Variants in L3MBTL4 observed in about 807,000 individuals in gnomAD.
L3MBTL4 encodes L3MBTL histone methyl-lysine binding protein 4.
A neutral mutation model predicts 84.5 loss-of-function variants in L3MBTL4; 70 were observed. The ratio of observed to expected loss-of-function variants is 0.83; its 90% confidence interval spans 0.68 to 1.01. The LOEUF (loss-of-function observed/expected upper bound fraction) is 1.01, where lower values mean the gene tolerates loss of function less well. Among genes scored for constraint, L3MBTL4 ranks in the 50% least tolerant of loss-of-function variants. L3MBTL4 has a pLI of 0.00. For missense variants in L3MBTL4, 715 were observed against 754.8 expected (o/e 0.95, Z 0.62); for synonymous variants, 274 against 259.8 (o/e 1.05, Z -0.52).
chr18:6,043,638 C>T (rs577347009), intron 16 of L3MBTL4, among the ~76,000 whole-genome samples: 5 of 152,288 alleles, frequency 3.3e-5, no homozygotes, highest in South Asian at 2.1e-4. Flanking sequence ...TACGGTCAAT[C>T]GATTAATCTA....
At chr18:6,211,360 A>G (rs185432939) in intron 12 of L3MBTL4, among the ~76,000 whole-genome samples, 1 of 152,302 alleles carries the variant, frequency 6.6e-6, no homozygotes, top group Non-Finnish European at 1.5e-5. Context: ...AGCATCTATT[A>G]TGTGCTGGGA....
chr18:6,261,838 T>A (rs2048415686), intron 5 of L3MBTL4, among the ~76,000 whole-genome samples: 1 of 152,144 alleles, frequency 6.6e-6, no homozygotes, highest in African/African-American at 2.4e-5. Context: ...CGGGCTGAGA[T>A]GTGGGGCAAC....
intron 12 of L3MBTL4, among the ~76,000 whole-genome samples, chr18:6,207,552 C>T (rs775037907): frequency 1.4e-4 from 22 of 152,154 alleles, no homozygotes; most frequent in Non-Finnish European, 2.2e-4. Flanking sequence ...GGCACGTTCA[C>T]CTGGTTGAGC....
chr18:6,174,020 G>C (rs981197810), intron 12 of L3MBTL4, among the ~76,000 whole-genome samples: 3 of 151,964 alleles, frequency 2.0e-5, no homozygotes, highest in African/African-American at 7.3e-5. Context: ...TTCACATTTT[G>C]GGGAAAGAAA....
intron 16 of L3MBTL4, among the ~76,000 whole-genome samples, chr18:6,056,351 G>A (rs962207169): frequency 6.6e-6 from 1 of 152,122 alleles, no homozygotes; most frequent in Non-Finnish European, 1.5e-5. Context: ...CAAGAACTCA[G>A]CAGTAGTCAG....
intron 9 of L3MBTL4, 67 bp from the exon 10 acceptor site, chr18:6,238,107 C>A (rs1431766761): frequency 3.5e-5 from 48 of 1,377,866 alleles, no homozygotes; most frequent in Non-Finnish European, 4.4e-5. Context: ...TCAAGAGTAA[C>A]AATCATTCTG....
chr18:6,360,375 C>T (rs2053632443), intron 1 of L3MBTL4, among the ~76,000 whole-genome samples: 1 of 152,078 alleles, frequency 6.6e-6, no homozygotes. Context: ...TGTCTCAAAA[C>T]AAAAATTTTA....
At chr18:6,031,407 G>A (rs1021949439) in intron 16 of L3MBTL4, 87 of 985,302 alleles carry the variant, frequency 8.8e-5, no homozygotes, top group Middle Eastern at 1.0e-3. Context: ...CTTTGTGGCC[G>A]TCTAACTTCT....
intron 12 of L3MBTL4, among the ~76,000 whole-genome samples, chr18:6,209,432 C>T (rs1389413228): frequency 1.5e-5 from 2 of 135,042 alleles, no homozygotes; most frequent in African/African-American, 6.7e-5. Context: ...GCCCATAAGG[C>T]CCACTAAACT....
chr18:6,111,294 C>A (rs955396259), intron 14 of L3MBTL4, among the ~76,000 whole-genome samples: 1 of 152,090 alleles, frequency 6.6e-6, no homozygotes, highest in African/African-American at 2.4e-5. Context: ...CATTAAAAAC[C>A]ATTGAATGGG....
At chr18:6,052,877 A>G (rs923974376) in intron 16 of L3MBTL4, among the ~76,000 whole-genome samples, 5 of 152,234 alleles carry the variant, frequency 3.3e-5, no homozygotes, top group Non-Finnish European at 5.9e-5. Context: ...AAATCGTGCT[A>G]TACAAATGGA....
chr18:6,175,294 A>C (rs2044178915), intron 12 of L3MBTL4, among the ~76,000 whole-genome samples: 1 of 152,258 alleles, frequency 6.6e-6, no homozygotes. Context: ...AAACGCTAAC[A>C]GGAAACATAA....
intron 1 of L3MBTL4, among the ~76,000 whole-genome samples, chr18:6,319,189 A>T (rs541042457): frequency 6.6e-6 from 1 of 152,228 alleles, no homozygotes; most frequent in South Asian, 2.1e-4. Context: ...AAGTTCACAG[A>T]CTGACAACCT....
chr18:6,125,287 G>A (rs1157088511), intron 14 of L3MBTL4, among the ~76,000 whole-genome samples: 1 of 152,034 alleles, frequency 6.6e-6, no homozygotes, highest in Non-Finnish European at 1.5e-5. Flanking sequence ...AAGGCATAAA[G>A]CAAATTGGCA....
intron 1 of L3MBTL4, among the ~76,000 whole-genome samples, chr18:6,322,939 A>G (rs1044623753): frequency 6.6e-6 from 1 of 152,120 alleles, no homozygotes; most frequent in Non-Finnish European, 1.5e-5. Context: ...AGGTGATTGG[A>G]TCATGAGGGC....
chr18:6,309,591 T>G (rs2050738295), intron 3 of L3MBTL4, among the ~76,000 whole-genome samples: 1 of 152,210 alleles, frequency 6.6e-6, no homozygotes, highest in African/African-American at 2.4e-5. Context: ...ATCTAAGTGT[T>G]AAGCACTTCT....
At position 6,122,620 on chromosome 18, in the gene L3MBTL4, A is replaced by C. The variant is rs112092250; in HGVS notation, c.1199+15574T>G. Among the ~76,000 whole-genome samples the C allele has an allele frequency of 3.7e-3, 559 of 152,296 alleles. 4 individuals carry two copies. The highest frequency in any genetic ancestry group is 0.013 in the African/African-American group (522 of 41,554). ...CCCCAGCCATGTGGAACTGTAAGTC[A>C]AATTAAACCCTCCTTCTTTTGTAAA... On this transcript the variant is annotated intron_variant, in intron 14 of 18. Coordinates refer to ENST00000317931, the MANE Select transcript of L3MBTL4 (RefSeq NM_001330559.2).
At chr18:6,351,118 C>T (rs1156501658) in intron 1 of L3MBTL4, among the ~76,000 whole-genome samples, 1 of 152,074 alleles carries the variant, frequency 6.6e-6, no homozygotes, top group Non-Finnish European at 1.5e-5. Flanking sequence ...ATCACTTGAA[C>T]GAGGGAGGCG....
chr18:6,351,712 C>T (rs927831869), intron 1 of L3MBTL4, among the ~76,000 whole-genome samples: 2 of 151,872 alleles, frequency 1.3e-5, no homozygotes, highest in African/African-American at 4.8e-5. Flanking sequence ...CCACCACCCC[C>T]GGCTAATTTT....
Sources: gnomAD v4.1 joint callset for allele counts (sites outside exome capture counted in the v4.1 genomes callset) on GRCh38, gnomAD v4.1.1 for gene constraint, MANE v1.5 for transcripts, NCBI Gene and HGNC (gene_info 2026-07-23, HGNC 2026-07-21) for gene names.